The following CARMIL1 variants were observed in gnomAD, a reference collection of about 807,000 sequenced individuals.
The protein encoded by CARMIL1 is F-actin-uncapping protein LRRC16A.
CARMIL1 carries 90 observed loss-of-function variants against 177.1 expected under a neutral mutation model. The ratio of observed to expected loss-of-function variants is 0.51; its 90% CI spans 0.43 to 0.61. CARMIL1 has a LOEUF of 0.61. Among genes scored for constraint, CARMIL1 ranks in the 20% least tolerant of loss-of-function variants. The pLI is 0.00. For missense variants in CARMIL1, 1,380 were observed against 1,667.0 expected (o/e 0.83, Z 3.00); for synonymous variants, 577 against 606.2 (o/e 0.95, Z 0.71).
At chr6:25,304,514 C>A (rs1381317716) in intron 2 of CARMIL1, among the ~76,000 whole-genome samples, 1 of 152,170 alleles carries the variant, frequency 6.6e-6, no homozygotes, top group Non-Finnish European at 1.5e-5. Context: ...AGTGTGCAGC[C>A]TGCTTCCCTC....
At chr6:25,390,255 A>T (rs1562073146) in intron 2 of CARMIL1, among the ~76,000 whole-genome samples, 3 of 145,040 alleles carry the variant, frequency 2.1e-5, no homozygotes, top group Admixed American at 7.0e-5. Flanking sequence ...TTTAAAAATA[A>T]TTTTTTCTAG....
At chr6:25,472,648 G>T in intron 11 of CARMIL1, 127 bp downstream of exon 11, 1 of 686,772 alleles carries the variant, frequency 1.5e-6, no homozygotes, top group Non-Finnish European at 2.5e-6. Context: ...TGGTCCTGTT[G>T]GCTTCCAGTT....
At chr6:25,412,112 G>T (rs1198080343) in intron 2 of CARMIL1, among the ~76,000 whole-genome samples, 2 of 152,164 alleles carry the variant, frequency 1.3e-5, no homozygotes, top group African/African-American at 2.4e-5. Flanking sequence ...TCTCTTCTTG[G>T]TTTACTACTA....
intron 2 of CARMIL1, among the ~76,000 whole-genome samples, chr6:25,356,675 G>GCAGC (rs1240278533): frequency 6.6e-6 from 1 of 152,168 alleles, no homozygotes. Flanking sequence ...ATGCCCTCTG[G>GCAGC]CAGCCAAGTT....
chr6:25,286,877 G>GT (rs1781560604), intron 2 of CARMIL1, among the ~76,000 whole-genome samples: 1 of 152,114 alleles, frequency 6.6e-6, no homozygotes, highest in African/African-American at 2.4e-5. Flanking sequence ...GTACTTAATT[G>GT]TAAGTTTTTT....
In CARMIL1 at chr6:25,313,683, G is replaced by GCATATATATA; in HGVS notation, c.138+28774_138+28775insCATATATATA. Among the ~76,000 whole-genome samples, 137 of 133,608 alleles carry GCATATATATA rather than the reference G, an allele frequency of 1.0e-3. 4 individuals carry two copies. Among genetic ancestry groups the GCATATATATA allele is most frequent in the Middle Eastern group, 3.8e-3 (1 of 264 alleles). 87.7% of individuals were successfully genotyped at this position (133,608 alleles called of 152,430 possible). A position where few individuals can be genotyped will look rare whatever the true frequency, so the allele number is the denominator to read the frequency against. ...TAAAGATCTTTACCCAGGGAAGGCTGTATATATACAGTTATTTGGGAGAAA... is the reference window on the plus strand; with the variant it reads ...TAAAGATCTTTACCCAGGGAAGGCTGCATATATATATATATATACAGTTATTTGGGAGAAA... On this transcript the variant is annotated intron_variant, in intron 2 of 36. Coordinates refer to ENST00000329474, the MANE Select transcript of CARMIL1 (RefSeq NM_017640.6).
intron 8 of CARMIL1, among the ~76,000 whole-genome samples, chr6:25,463,727 A>T (rs184610615): frequency 6.6e-6 from 1 of 152,194 alleles, no homozygotes; most frequent in African/African-American, 2.4e-5. Flanking sequence ...AGGAAGAGAT[A>T]CAGGAACTTG....
intron 3 of CARMIL1, among the ~76,000 whole-genome samples, chr6:25,422,266 C>A (rs1025956609): frequency 6.6e-6 from 1 of 152,258 alleles, no homozygotes; most frequent in Non-Finnish European, 1.5e-5. Flanking sequence ...GCTCATTAGT[C>A]CTTTCTTGTT....
At chr6:25,290,962 G>C (rs1781913823) in intron 2 of CARMIL1, among the ~76,000 whole-genome samples, 1 of 151,876 alleles carries the variant, frequency 6.6e-6, no homozygotes, top group Admixed American at 6.6e-5. Flanking sequence ...CACCATGCCT[G>C]CCTAATTAAA....
chr6:25,284,688 G>A (rs1781396327), intron 1 of CARMIL1, 124 bp from the exon 2 acceptor site: 4 of 585,220 alleles, frequency 6.8e-6, no homozygotes, highest in Admixed American at 5.9e-5. Flanking sequence ...CAGCCTGGGT[G>A]ACAGAGTAAG....
chr6:25,528,725 G>A (rs1157299077), intron 23 of CARMIL1, 70 bp from the exon 24 acceptor site: 2 of 1,165,958 alleles, frequency 1.7e-6, no homozygotes, highest in East Asian at 2.6e-5. Context: ...GCAACTGACT[G>A]TTTCACTTAT....
At chr6:25,528,680 G>A (rs749228655) in intron 23 of CARMIL1, 115 bp from the exon 24 acceptor site, 5 of 750,838 alleles carry the variant, frequency 6.7e-6, no homozygotes, top group Non-Finnish European at 1.2e-5. Context: ...AGCACTGGCA[G>A]GATGTGTATA....
chr6:25,387,561 T>C (rs1261219324), intron 2 of CARMIL1, among the ~76,000 whole-genome samples: 1 of 152,234 alleles, frequency 6.6e-6, no homozygotes, highest in Non-Finnish European at 1.5e-5. Flanking sequence ...ATTCAGCAGC[T>C]TTTCTTTCTG....
chr6:25,489,507 G>A (rs1422980373), intron 13 of CARMIL1, among the ~76,000 whole-genome samples: 1 of 152,066 alleles, frequency 6.6e-6, no homozygotes, highest in Non-Finnish European at 1.5e-5. Flanking sequence ...AGTGGATTAG[G>A]TATTATCTCA....
intron 23 of CARMIL1, among the ~76,000 whole-genome samples, chr6:25,521,550 A>T (rs1806557060): frequency 6.6e-6 from 1 of 152,122 alleles, no homozygotes. Flanking sequence ...CAGGCGGATC[A>T]TGAGGTCAGG....
intron 12 of CARMIL1, among the ~76,000 whole-genome samples, chr6:25,485,351 T>C (rs1156371639): frequency 6.6e-6 from 1 of 152,218 alleles, no homozygotes; most frequent in Non-Finnish European, 1.5e-5. Context: ...CAATAAAATA[T>C]GTATATATTA....
Position 25,465,949 on chromosome 6 carries a change from G to C in CARMIL1, c.690+1G>C. ...ACTGTCCTCTAAGGATCTAAAACTG[G>C]TAAGTAATCAAACATGCAGCAAATG... On this transcript the variant is annotated splice_donor_variant, in intron 9 of 36. Coordinates refer to ENST00000329474, the MANE Select transcript of CARMIL1 (RefSeq NM_017640.6). LOFTEE classifies it high-confidence loss of function. The C allele has an allele frequency of 3.7e-6, 6 of 1,602,126 alleles. No individual in the cohort carries two copies. The highest frequency in any genetic ancestry group is 5.1e-6 in the Non-Finnish European group (6 of 1,169,382).
chr6:25,562,915 T>C (rs964990853), intron 29 of CARMIL1, among the ~76,000 whole-genome samples: 1 of 152,248 alleles, frequency 6.6e-6, no homozygotes, highest in Non-Finnish European at 1.5e-5. Flanking sequence ...ATTATCATTA[T>C]AAAAGGTAAT....
intron 2 of CARMIL1, among the ~76,000 whole-genome samples, chr6:25,338,353 A>G (rs1437520440): frequency 2.0e-5 from 3 of 152,204 alleles, no homozygotes; most frequent in East Asian, 3.8e-4. Flanking sequence ...CAGGCGTACA[A>G]TGCTCCACTT....
Sources: gnomAD v4.1 joint callset for allele counts (sites outside exome capture counted in the v4.1 genomes callset) on GRCh38, gnomAD v4.1.1 for gene constraint, MANE v1.5 for transcripts, NCBI Gene and HGNC (gene_info 2026-07-23, HGNC 2026-07-21) for gene names.